The following TMEM132D variants were observed in gnomAD, a reference collection of about 807,000 sequenced individuals.
The protein encoded by TMEM132D is mature OL transmembrane protein.
TMEM132D carries 21 observed loss-of-function variants against 62.3 expected under a neutral mutation model. The observed-to-expected ratio is 0.34, with a 90% CI of 0.24 to 0.49. TMEM132D has a LOEUF of 0.49. Ranked by LOEUF, TMEM132D falls within the 20% of genes least tolerant of loss-of-function variation. The pLI, the probability that TMEM132D is intolerant of heterozygous loss-of-function variation, is 0.99. For synonymous variants in TMEM132D, 621 were observed against 575.6 expected, an observed-to-expected ratio of 1.08 and a Z score of -1.13; for missense variants, 1,346 against 1,402.8, an observed-to-expected ratio of 0.96 and a Z score of 0.65.
chr12:129,557,785 T>C lies in TMEM132D; in HGVS notation c.969-26580A>G, dbSNP rs567171367. Among the ~76,000 whole-genome samples the C allele has an allele frequency of 3.3e-5, 5 of 152,310 alleles. No homozygotes were observed. In the East Asian group the frequency reaches 9.6e-4, roughly 29 times the overall value. ...ATTGAGCATGGGGCTGATGGATGGG[T>C]AAATCTGATTGTGACAATGATTATA... On this transcript the variant is annotated intron_variant, in intron 2 of 8. Coordinates refer to ENST00000422113, the MANE Select transcript of TMEM132D (RefSeq NM_133448.3).
At chr12:129,108,786 T>C (rs1875585995) in intron 5 of TMEM132D, among the ~76,000 whole-genome samples, 1 of 152,178 alleles carries the variant, frequency 6.6e-6, no homozygotes, top group Admixed American at 6.5e-5. Context: ...TTGAAGACTT[T>C]ATTATGAAAA....
chr12:129,340,554 G>T (rs563984427), intron 3 of TMEM132D, among the ~76,000 whole-genome samples: 1 of 151,578 alleles, frequency 6.6e-6, no homozygotes, highest in Non-Finnish European at 1.5e-5. Context: ...GAGAACATGC[G>T]GTGTTTGGTT....
rs141904818 is a variant in TMEM132D at position 129,149,091 on chromosome 12, G to T, written c.1443+60429C>A. 6.2e-3 allele frequency among the ~76,000 whole-genome samples: 943 copies of T among 152,084 alleles called. 31 individuals carry two copies. Among genetic ancestry groups the T allele is most frequent in the Admixed American group, 0.051 (774 of 15,282 alleles). On this transcript the variant is annotated intron_variant, in intron 5 of 8. Coordinates refer to ENST00000422113, the MANE Select transcript of TMEM132D (RefSeq NM_133448.3). ...TGTCCCTTGCAGGGACATAGATGAA[G>T]CTGGAAACCATCATTCTCAGCAAAC... is the stretch of plus-strand genomic sequence containing the variant.
chr12:129,447,307 C>T (rs904767830), intron 3 of TMEM132D, among the ~76,000 whole-genome samples: 1 of 152,144 alleles, frequency 6.6e-6, no homozygotes. Flanking sequence ...ATTATGCAAA[C>T]GTAACCCTTT....
chr12:129,242,053 C>T (rs151106954), intron 4 of TMEM132D, among the ~76,000 whole-genome samples: 10 of 152,324 alleles, frequency 6.6e-5, no homozygotes, highest in African/African-American at 2.2e-4. Context: ...CCAAGGGGCA[C>T]TTAGTGGCAT....
chr12:129,362,599 C>G lies in TMEM132D; in HGVS notation c.1116-24782G>C, dbSNP rs568546137. Among the ~76,000 whole-genome samples, 3 of 151,804 alleles carry G rather than the reference C, an allele frequency of 2.0e-5. No homozygotes were observed. In the South Asian group the frequency reaches 6.2e-4, roughly 32 times the overall value. On this transcript the variant is annotated intron_variant, in intron 3 of 8. Coordinates refer to ENST00000422113, the MANE Select transcript of TMEM132D (RefSeq NM_133448.3). ...TATATATTTCTTTTTTGTTGGGAGT[C>G]TTTTTCTTATTTTAAAAAAACAATT...
chr12:129,416,218 C>G (rs1208991393), intron 3 of TMEM132D, among the ~76,000 whole-genome samples: 1 of 152,108 alleles, frequency 6.6e-6, no homozygotes, highest in Admixed American at 6.5e-5. Flanking sequence ...TGTTTGTGTC[C>G]TTTCTTATTT....
At chr12:129,351,835 T>A (rs1869874603) in intron 3 of TMEM132D, among the ~76,000 whole-genome samples, 1 of 152,218 alleles carries the variant, frequency 6.6e-6, no homozygotes. Context: ...TCACCTTTTG[T>A]TGGAACTTGG....
chr12:129,090,141 T>G (rs2135626951), intron 5 of TMEM132D, among the ~76,000 whole-genome samples: 1 of 152,230 alleles, frequency 6.6e-6, no homozygotes, highest in African/African-American at 2.4e-5. Flanking sequence ...TGGGCCCAGG[T>G]CCGGTTAAGA....
At chr12:129,875,012 G>A (rs1874371731) in intron 1 of TMEM132D, among the ~76,000 whole-genome samples, 1 of 152,230 alleles carries the variant, frequency 6.6e-6, no homozygotes, top group Non-Finnish European at 1.5e-5. Context: ...GAAATGAAAA[G>A]AAGGATGATA....
chr12:129,530,183 T>G (rs1390266395), intron 3 of TMEM132D, among the ~76,000 whole-genome samples: 2 of 152,140 alleles, frequency 1.3e-5, no homozygotes, highest in Non-Finnish European at 2.9e-5. Context: ...AAAATCATAA[T>G]AGTTATCAGC....
chr12:129,498,450 C>A (rs1488196302), intron 3 of TMEM132D, among the ~76,000 whole-genome samples: 1 of 152,150 alleles, frequency 6.6e-6, no homozygotes, highest in Non-Finnish European at 1.5e-5. Context: ...CACAGGGTTT[C>A]ATCATGTTGG....
At chr12:129,452,427 C>A (rs1371387183) in intron 3 of TMEM132D, among the ~76,000 whole-genome samples, 2 of 152,200 alleles carry the variant, frequency 1.3e-5, no homozygotes, top group African/African-American at 4.8e-5. Flanking sequence ...GGCTCACATT[C>A]CTTCCTCTTA....
chr12:129,833,104 G>C (rs528559130), intron 1 of TMEM132D, among the ~76,000 whole-genome samples: 2 of 152,294 alleles, frequency 1.3e-5, no homozygotes, highest in Admixed American at 1.3e-4. Flanking sequence ...CTGTTCTGTG[G>C]TTTAGTGTGT....
chr12:129,180,155 C>T (rs1351374014), intron 5 of TMEM132D, among the ~76,000 whole-genome samples: 1 of 152,108 alleles, frequency 6.6e-6, no homozygotes, highest in Non-Finnish European at 1.5e-5. Flanking sequence ...GACCATTAAC[C>T]CAGTAAGCAC....
At chr12:129,180,313 A>T (rs1878029978) in intron 5 of TMEM132D, among the ~76,000 whole-genome samples, 2 of 152,166 alleles carry the variant, frequency 1.3e-5, no homozygotes, top group South Asian at 4.1e-4. Flanking sequence ...TGGTGTCCAC[A>T]GCCAATTTAC....
At chr12:129,458,398 G>GTTTTTTTTTTTT (rs66630267) in intron 3 of TMEM132D, among the ~76,000 whole-genome samples, 3 of 146,584 alleles carry the variant, frequency 2.0e-5, no homozygotes, top group African/African-American at 2.5e-5. Flanking sequence ...GTGGGCAGAG[G>GTTTTTTTTTTTT]TTTTTTTTTT....
intron 3 of TMEM132D, among the ~76,000 whole-genome samples, chr12:129,488,230 C>T (rs1208877630): frequency 6.6e-6 from 1 of 152,218 alleles, no homozygotes; most frequent in Non-Finnish European, 1.5e-5. Flanking sequence ...GCAACACAAA[C>T]AAGCTGCGAC....
intron 5 of TMEM132D, among the ~76,000 whole-genome samples, chr12:129,107,646 G>A (rs1875543993): frequency 6.6e-6 from 1 of 152,132 alleles, no homozygotes; most frequent in South Asian, 2.1e-4. Flanking sequence ...GATAACTACA[G>A]CTTTCCCCTC....
Sources: allele counts gnomAD v4.1 joint callset (sites outside exome capture counted in the v4.1 genomes callset), GRCh38; gene constraint gnomAD v4.1.1; transcripts MANE v1.5; gene names NCBI Gene and HGNC (gene_info 2026-07-23, HGNC 2026-07-21).